PCDHGA9: variants seen among roughly 807,000 people sequenced by gnomAD.
The protein encoded by PCDHGA9 is protocadherin gamma-A9.
In PCDHGA9, 37 loss-of-function variants were observed where a neutral mutation model predicts 62.5. That is an observed-to-expected ratio of 0.59 (90% CI 0.46 to 0.78). PCDHGA9 has a LOEUF of 0.78. PCDHGA9 is among the 30% of genes least tolerant of loss of function. The pLI is 0.00. For synonymous variants in PCDHGA9, 459 were observed against 484.6 expected (o/e 0.95, Z 0.69); for missense variants, 1,138 against 1,166.2 (o/e 0.98, Z 0.35).
intron 2 of PCDHGA9, among the ~76,000 whole-genome samples, chr5:141,503,388 A>C (rs1456500896): frequency 6.6e-6 from 1 of 152,004 alleles, no homozygotes; most frequent in East Asian, 1.9e-4. Flanking sequence ...TGAGGTCAGG[A>C]GTTCGAAACC....
At chr5:141,448,907 T>G (rs1253773780) in intron 1 of PCDHGA9, among the ~76,000 whole-genome samples, 1 of 152,178 alleles carries the variant, frequency 6.6e-6, no homozygotes, top group African/African-American at 2.4e-5. Flanking sequence ...ATCGTGCCAC[T>G]GCACTCCAGC....
chr5:141,482,747 G>T lies in PCDHGA9; in HGVS notation c.2425-12060G>T, dbSNP rs182945398. On this transcript the variant is annotated intron_variant, in intron 1 of 3. Transcript: ENST00000573521. ...CATTGCAAGAAATTCCATGCAGAGG[G>T]ATTATGGTATTTCATTATCACTGAA... Among the ~76,000 whole-genome samples, 567 of 128,410 alleles carry T rather than the reference G, an allele frequency of 4.4e-3. 2 individuals carry two copies. The highest frequency in any genetic ancestry group is 0.019 in the African/African-American group (533 of 28,666). The allele number at this position is 128,410 out of a possible 152,430, so 84.2% of individuals were successfully genotyped here. A position where few individuals can be genotyped will look rare whatever the true frequency, so the allele number is the denominator to read the frequency against.
At chr5:141,414,338 G>C in intron 1 of PCDHGA9, 1 of 1,613,832 alleles carries the variant, frequency 6.2e-7, no homozygotes, top group Non-Finnish European at 8.5e-7. Context: ...CAGGTAACCT[G>C]TTCCATTTTG....
intron 3 of PCDHGA9, 61 bp downstream of exon 3, chr5:141,505,542 A>G (rs2099846540): frequency 6.2e-7 from 1 of 1,604,832 alleles, no homozygotes; most frequent in African/African-American, 1.3e-5. Context: ...GGTGCATCTC[A>G]CAGCCACCAT....
Position 141,487,830 on chromosome 5 carries a change from T to C in PCDHGA9, c.2425-6977T>C, listed in dbSNP as rs1410090651. On this transcript the variant is annotated intron_variant, in intron 1 of 3. Transcript: ENST00000573521. This position sits in a 1 kb window ranked among gnomAD's most constrained non-coding sequence, Gnocchi z 5.0. ...TTTAGCATTGGGGGCGGGTCATGCC[T>C]ATATCTGAGTAAGAAATGAAAGTAA... The C allele has an allele frequency of 3.5e-6, 4 of 1,139,942 alleles. No homozygotes were observed. The highest frequency in any genetic ancestry group is 1.6e-5 in the African/African-American group (1 of 63,734). The allele number at this position is 1,139,942 out of a possible 1,614,324, so 70.6% of individuals were successfully genotyped here.
chr5:141,431,622 C>T lies in PCDHGA9; in HGVS notation c.2424+26246C>T, dbSNP rs761448407. 3 of 1,614,070 alleles carry T rather than the reference C, an allele frequency of 1.9e-6. No individual in the cohort carries two copies. The African/African-American group carries it at 4.0e-5, about 22-fold the overall frequency. ...TCCTTCCGGTATGTGGACGACAAGGCGGCCCAAGTTTTCAAACTAGATTGT... is the reference window on the plus strand; with the variant it reads ...TCCTTCCGGTATGTGGACGACAAGGTGGCCCAAGTTTTCAAACTAGATTGT... On this transcript the variant is annotated intron_variant, in intron 1 of 3. Transcript: ENST00000573521. The surrounding 1 kb of genome is among the most constrained non-coding windows in gnomAD (Gnocchi z 4.8).
chr5:141,455,855 C>A (rs1267803457), intron 1 of PCDHGA9, among the ~76,000 whole-genome samples: 4 of 147,088 alleles, frequency 2.7e-5, no homozygotes, highest in African/African-American at 1.0e-4. Flanking sequence ...AAAATAATTT[C>A]TTTTATTATT....
chr5:141,404,387 C>G lies in PCDHGA9; in HGVS notation c.1435C>G (p.Pro479Ala). The G allele has an allele frequency of 1.9e-6, 3 of 1,613,874 alleles. No homozygotes were observed. Among genetic ancestry groups the G allele is most frequent in the Non-Finnish European group, 2.5e-6 (3 of 1,179,870 alleles). ...CATCTTCTCCGTGATTGCCTATGAC[C>G]CTGATAGCAATGAGAATTCTAGAGT... The part of the protein sequence containing the change: ...TSIFSVIAYD[P>A]DSNENSRVIY... Residue 479 changes from proline (P) to alanine (A), a missense_variant, in exon 1 of 4, where the codon CCT becomes GCT. Physicochemically the swap from Pro to Ala is conservative, Grantham distance 27. Coordinates refer to ENST00000573521, the MANE Select transcript of PCDHGA9 (RefSeq NM_018921.3).
intron 1 of PCDHGA9, among the ~76,000 whole-genome samples, chr5:141,433,818 CA>C (rs2097653666): frequency 7.5e-6 from 1 of 133,558 alleles, no homozygotes; most frequent in African/African-American, 2.9e-5. Flanking sequence ...GCCTGGGCAA[CA>C]AGAGTGAAAC....
At chr5:141,455,860 A>ATTATTTAT (rs145569377) in intron 1 of PCDHGA9, among the ~76,000 whole-genome samples, 155 of 139,844 alleles carry the variant, frequency 1.1e-3, no homozygotes, top group Non-Finnish European at 1.5e-3. Flanking sequence ...AATTTCTTTT[A>ATTATTTAT]TTATTTATTT....
intron 2 of PCDHGA9, among the ~76,000 whole-genome samples, chr5:141,496,411 CT>C (rs1266082660): frequency 6.6e-6 from 1 of 152,190 alleles, no homozygotes; most frequent in African/African-American, 2.4e-5. Context: ...TGGTTGAGTA[CT>C]TGCTGTCCAC....
intron 3 of PCDHGA9, 78 bp from the exon 4 acceptor site, chr5:141,510,869 T>C: frequency 9.3e-6 from 15 of 1,608,708 alleles, no homozygotes; most frequent in Non-Finnish European, 1.3e-5. Flanking sequence ...AGGCATTCAT[T>C]AACTGCTGGG....
At position 141,405,047 on chromosome 5, in the gene PCDHGA9, G is replaced by C; in HGVS notation, c.2095G>C (p.Val699Leu). Reference sequence around the variant, plus strand: ...CCTCTACCTCGTTGTGGCTGTGGCAGTCGTCTCCTGTGTCTTCCTCACCTT... The same window carrying C: ...CCTCTACCTCGTTGTGGCTGTGGCACTCGTCTCCTGTGTCTTCCTCACCTT... ...LTLYLVVAVA[V>L]VSCVFLTFVI... is the part of the protein sequence containing the mutation. The change falls in exon 1 of 4, where the codon GTC (valine) becomes CTC (leucine). Residue 699 changes from valine to leucine, a missense_variant. Transcript: ENST00000573521. 2 of 1,613,944 alleles carry C rather than the reference G, an allele frequency of 1.2e-6. No individual in the cohort carries two copies. The highest frequency in any genetic ancestry group is 1.7e-6 in the Non-Finnish European group (2 of 1,179,838).
chr5:141,459,862 C>T (rs931723906), intron 1 of PCDHGA9, among the ~76,000 whole-genome samples: 3 of 152,158 alleles, frequency 2.0e-5, no homozygotes, highest in East Asian at 1.9e-4. Context: ...TTGAAGCATT[C>T]GTTCATCTTT....
At chr5:141,438,763 G>C (rs537316602) in intron 1 of PCDHGA9, among the ~76,000 whole-genome samples, 1 of 149,962 alleles carries the variant, frequency 6.7e-6, no homozygotes, top group South Asian at 2.1e-4. Context: ...CTGGGTTCAA[G>C]CGATTCTCCT....
At chr5:141,427,164 C>T (rs1171285271) in intron 1 of PCDHGA9, 1 of 456,682 alleles carries the variant, frequency 2.2e-6, no homozygotes, top group Non-Finnish European at 4.4e-6. Context: ...TGTGCTAGAC[C>T]ATCAAAATGG....
intron 1 of PCDHGA9, chr5:141,421,585 G>A: frequency 1.2e-6 from 2 of 1,613,916 alleles, no homozygotes; most frequent in Non-Finnish European, 1.7e-6. Context: ...GATTTACGGA[G>A]TGGAGGTGGA....
At chr5:141,408,856 G>T in intron 1 of PCDHGA9, 1 of 1,613,518 alleles carries the variant, frequency 6.2e-7, no homozygotes, top group Non-Finnish European at 8.5e-7. Flanking sequence ...TGGACGGAGG[G>T]GACCCACCAA....
At chr5:141,414,396 A>G in intron 1 of PCDHGA9, 1 of 1,613,884 alleles carries the variant, frequency 6.2e-7, no homozygotes, top group Non-Finnish European at 8.5e-7. Flanking sequence ...GTTATTACAG[A>G]TTGGTGATAC....
Sources: allele counts gnomAD v4.1 joint callset (sites outside exome capture counted in the v4.1 genomes callset), GRCh38; gene constraint gnomAD v4.1.1; non-coding constraint Gnocchi (gnomAD v3.1); transcripts MANE v1.5; gene names NCBI Gene and HGNC (gene_info 2026-07-23, HGNC 2026-07-21).